Variants in CYB5R4 observed in about 807,000 individuals in gnomAD.
CYB5R4 encodes the protein cytochrome b5 reductase 4, also known as N-terminal cytochrome b5 and cytochrome b5 oxidoreductase domain-containing protein.
CYB5R4 carries 55 observed loss-of-function variants against 70.2 expected under a neutral mutation model. The ratio of observed to expected loss-of-function variants is 0.78; its 90% CI spans 0.63 to 0.98. CYB5R4 has a LOEUF of 0.98. CYB5R4 is among the 50% of genes least tolerant of loss of function. The pLI is 0.00. For synonymous variants in CYB5R4, 197 were observed against 199.5 expected, an observed-to-expected ratio of 0.99 and a Z score of 0.11; for missense variants, 562 against 612.6, an observed-to-expected ratio of 0.92 and a Z score of 0.87.
chr6:83,918,563 A>G (rs1302718113), intron 6 of CYB5R4, among the ~76,000 whole-genome samples: 1 of 152,026 alleles, frequency 6.6e-6, no homozygotes, highest in African/African-American at 2.4e-5. Context: ...GCATTCCATC[A>G]TATGACCATG....
intron 4 of CYB5R4, 104 bp downstream of exon 4, chr6:83,909,194 T>A: frequency 1.2e-6 from 1 of 852,772 alleles, no homozygotes; most frequent in Non-Finnish European, 1.8e-6. Context: ...TATGGTTTTG[T>A]AATTTTCATT....
intron 2 of CYB5R4, among the ~76,000 whole-genome samples, chr6:83,864,862 ATG>A (rs565991243): frequency 5.5e-4 from 83 of 152,234 alleles, no homozygotes; most frequent in Admixed American, 2.3e-3. Context: ...TTAAATATAA[ATG>A]TATTGGAGGA....
chr6:83,908,925 A>C, intron 3 of CYB5R4, 84 bp from the exon 4 acceptor site: 1 of 1,122,790 alleles, frequency 8.9e-7, no homozygotes, highest in Non-Finnish European at 1.3e-6. Flanking sequence ...GTGGTTTCAG[A>C]AAGTTTAGTT....
In CYB5R4 at chr6:83,901,571, A is replaced by G. The variant is rs369128793; in HGVS notation, c.331-7438A>G. On this transcript the variant is annotated intron_variant, in intron 3 of 15. Transcript: ENST00000369681. Reference sequence around the variant, plus strand: ...GCAGAGTGTTTTCCAACTTGTTTCCATTCTCCCCGTCACTTTCAGGTACAC... The same window carrying G: ...GCAGAGTGTTTTCCAACTTGTTTCCGTTCTCCCCGTCACTTTCAGGTACAC... 8.2e-4 allele frequency among the ~76,000 whole-genome samples: 125 copies of G among 152,136 alleles called. 4 individuals carry two copies. In the South Asian group the frequency reaches 0.026, roughly 31 times the overall value.
At chr6:83,907,796 A>G (rs2099464043) in intron 3 of CYB5R4, among the ~76,000 whole-genome samples, 1 of 152,142 alleles carries the variant, frequency 6.6e-6, no homozygotes, top group Non-Finnish European at 1.5e-5. Flanking sequence ...TGTTCCTGCA[A>G]AAGATATAAT....
At chr6:83,903,336 A>G (rs1299057775) in intron 3 of CYB5R4, among the ~76,000 whole-genome samples, 1 of 152,100 alleles carries the variant, frequency 6.6e-6, no homozygotes, top group African/African-American at 2.4e-5. Context: ...ATTTGTGTGT[A>G]TGTTAAACCA....
intron 4 of CYB5R4, among the ~76,000 whole-genome samples, chr6:83,911,485 A>G (rs1270298232): frequency 1.3e-5 from 2 of 152,164 alleles, no homozygotes; most frequent in Non-Finnish European, 2.9e-5. Context: ...TGGTGACATA[A>G]TACCAACCTT....
In CYB5R4 at chr6:83,859,824, G is replaced by T. The variant is rs763425675; in HGVS notation, c.42G>T (p.Ser14=). ...CCCAGTCTTTCCCGGCCCCCAGGTCGCAGCAGCGTGTCGCCTCCGGGGGGC... is the reference window on the plus strand; with the variant it reads ...CCCAGTCTTTCCCGGCCCCCAGGTCTCAGCAGCGTGTCGCCTCCGGGGGGC... ...VPSQSFPAPR[S]QQRVASGGRS... The change falls in exon 1 of 16, where the codon TCG becomes TCT. Residue 14 remains serine, a synonymous_variant. Transcript: ENST00000369681. 2.5e-6 allele frequency: 4 copies of T among 1,613,268 alleles called. No homozygotes were observed. Among genetic ancestry groups the T allele is most frequent in the Admixed American group, 1.7e-5 (1 of 59,952 alleles).
At chr6:83,862,554 A>C (rs544033678) in intron 1 of CYB5R4, among the ~76,000 whole-genome samples, 8 of 152,224 alleles carry the variant, frequency 5.3e-5, no homozygotes, top group Non-Finnish European at 1.0e-4. Flanking sequence ...GGAATCAAAT[A>C]ATCAGTTCCC....
At chr6:83,937,937 C>G (rs114796075) in intron 12 of CYB5R4, among the ~76,000 whole-genome samples, 97 of 152,340 alleles carry the variant, frequency 6.4e-4, no homozygotes, top group African/African-American at 2.2e-3. Flanking sequence ...TTTCTTTTCA[C>G]TTTTTACCTA....
At chr6:83,949,999 A>G (rs984620991) in intron 14 of CYB5R4, among the ~76,000 whole-genome samples, 2 of 152,178 alleles carry the variant, frequency 1.3e-5, no homozygotes, top group African/African-American at 4.8e-5. Context: ...ACCTGTACAC[A>G]TGGATCCAAC....
chr6:83,918,044 A>G lies in CYB5R4; in HGVS notation c.485A>G (p.Lys162Arg), dbSNP rs2099465783. 1.2e-6 allele frequency: 2 copies of G among 1,611,508 alleles called. No homozygotes were observed. Among genetic ancestry groups the G allele is most frequent in the African/African-American group, 1.3e-5 (1 of 75,022 alleles). ...PKSQVTDTLA[K>R]EGPSYPSYDW... ...AGCCAAGTGACAGATACACTTGCCA[A>G]AGAAGGTCCTAGTTATCCAAGGTAT... is the stretch of plus-strand genomic sequence containing the variant. Residue 162 changes from lysine (K) to arginine (R), a missense_variant, in exon 6 of 16, where the codon AAA becomes AGA. Transcript: ENST00000369681.
At chr6:83,869,553 G>A (rs1459753429) in intron 2 of CYB5R4, among the ~76,000 whole-genome samples, 1 of 152,176 alleles carries the variant, frequency 6.6e-6, no homozygotes, top group Non-Finnish European at 1.5e-5. Context: ...TTTTGACCAG[G>A]CACAGTGGCT....
In CYB5R4 at chr6:83,967,348, T is replaced by A. The variant is rs1351762164; in HGVS notation, c.*7470T>A. 6.6e-6 allele frequency: 1 copy of A among 152,234 alleles called. No homozygotes were observed. The highest frequency in any genetic ancestry group is 1.5e-5 in the Non-Finnish European group (1 of 68,038). 9.4% of individuals were successfully genotyped at this position (152,234 alleles called of 1,614,324 possible). A position where few individuals can be genotyped will look rare whatever the true frequency, so the allele number is the denominator to read the frequency against. ...ATATGCTAAACTATTTCAGTAGTTT[T>A]GGCAGTGGTTGTATTAGTATTGTTA... On this transcript the variant is annotated 3_prime_UTR_variant, in exon 16 of 16. Transcript: ENST00000369681.
chr6:83,935,721 G>A (rs902560192), intron 11 of CYB5R4, among the ~76,000 whole-genome samples: 1 of 152,076 alleles, frequency 6.6e-6, no homozygotes, highest in Admixed American at 6.6e-5. Context: ...TATGTAATAT[G>A]TTAAAATATT....
rs1351762164 is a variant in CYB5R4, at chr6:83,967,348, T to G, written c.*7470T>G. On this transcript the variant is annotated 3_prime_UTR_variant, in exon 16 of 16. Transcript: ENST00000369681. ...ATATGCTAAACTATTTCAGTAGTTTTGGCAGTGGTTGTATTAGTATTGTTA... is the reference window on the plus strand; with the variant it reads ...ATATGCTAAACTATTTCAGTAGTTTGGGCAGTGGTTGTATTAGTATTGTTA... 1 of 152,234 alleles carries G rather than the reference T, an allele frequency of 6.6e-6. No homozygotes were observed. Among genetic ancestry groups the G allele is most frequent in the African/African-American group, 2.4e-5 (1 of 41,472 alleles). 9.4% of individuals were successfully genotyped at this position (152,234 alleles called of 1,614,324 possible). A position where few individuals can be genotyped will look rare whatever the true frequency, so the allele number is the denominator to read the frequency against.
At chr6:83,905,611 G>A (rs2129136971) in intron 3 of CYB5R4, among the ~76,000 whole-genome samples, 1 of 152,176 alleles carries the variant, frequency 6.6e-6, no homozygotes, top group African/African-American at 2.4e-5. Flanking sequence ...CCAGTGGTGG[G>A]AGCAATGGGC....
rs771472768 is a variant in CYB5R4, at chr6:83,921,151, G to A, written c.634G>A (p.Asp212Asn). The A allele has an allele frequency of 3.8e-5, 57 of 1,518,874 alleles. No homozygotes were observed. The highest frequency in any genetic ancestry group is 4.4e-5 in the Non-Finnish European group (49 of 1,113,912). The allele number at this position is 1,518,874 out of a possible 1,614,324, so 94.1% of individuals were successfully genotyped here. A position where few individuals can be genotyped will look rare whatever the true frequency, so the allele number is the denominator to read the frequency against. The change falls in exon 8 of 16, where the codon GAT (aspartate) becomes AAT (asparagine). Residue 212 changes from aspartate to asparagine, a missense_variant. Transcript: ENST00000369681. ...CTTTAGAGCAGAAACAATTATTAAG[G>A]ATTGTTTATATCTTATACATATTGG... is the stretch of plus-strand genomic sequence containing the variant. Reference protein sequence around the residue: ...DSFRAETIIKDCLYLIHIGLS... With the variant: ...DSFRAETIIKNCLYLIHIGLS...
intron 10 of CYB5R4, among the ~76,000 whole-genome samples, chr6:83,931,647 TTTTG>T (rs2099468155): frequency 6.6e-6 from 1 of 151,994 alleles, no homozygotes; most frequent in Non-Finnish European, 1.5e-5. Flanking sequence ...TGTCTTATGT[TTTTG>T]TTTTACTGTC....
Sources: allele counts gnomAD v4.1 joint callset (sites outside exome capture counted in the v4.1 genomes callset), GRCh38; gene constraint gnomAD v4.1.1; transcripts MANE v1.5; gene names NCBI Gene and HGNC (gene_info 2026-07-23, HGNC 2026-07-21).